Variants in NDRG2 observed in about 807,000 individuals in gnomAD.
The protein encoded by NDRG2 is protein NDRG2.
Under a neutral mutation model 58.2 loss-of-function variants are expected in NDRG2, and 34 were observed. The ratio of observed to expected loss-of-function variants is 0.58; its 90% confidence interval spans 0.44 to 0.78. NDRG2 has a LOEUF of 0.78. Ranked by LOEUF, NDRG2 falls within the 30% of genes least tolerant of loss-of-function variation. NDRG2 has a pLI of 0.00. For missense variants in NDRG2, 434 were observed against 471.2 expected, an observed-to-expected ratio of 0.92 and a Z score of 0.73; for synonymous variants, 187 against 175.9, an observed-to-expected ratio of 1.06 and a Z score of -0.50.
At chr14:21,027,482 A>G (rs77601565), upstream of NDRG2, among the ~76,000 whole-genome samples, 4,270 of 152,286 alleles carry the variant, frequency 0.028, 204 homozygotes, top group African/African-American at 0.097. Context: ...ATATAAGATC[A>G]ATCATTTGGA....
At chr14:21,053,132 C>T (rs1885536827) in intron 1 of NDRG2, among the ~76,000 whole-genome samples, 1 of 152,130 alleles carries the variant, frequency 6.6e-6, no homozygotes, top group African/African-American at 2.4e-5. Flanking sequence ...CCTGATATAA[C>T]TGGTAGGTAG....
intron 6 of NDRG2, chr14:21,021,332 A>G (rs1880163137): frequency 2.9e-6 from 1 of 350,176 alleles, no homozygotes; most frequent in Admixed American, 3.8e-5. Flanking sequence ...GCCTAGGAGA[A>G]GCTTAGCTAA....
At chr14:21,049,225 G>A (rs1885352202) in intron 1 of NDRG2, among the ~76,000 whole-genome samples, 1 of 152,120 alleles carries the variant, frequency 6.6e-6, no homozygotes, top group African/African-American at 2.4e-5. Context: ...TCCTTAGGAA[G>A]GCTTACTATC....
intron 1 of NDRG2, among the ~76,000 whole-genome samples, chr14:21,046,233 A>G (rs1414720111): frequency 6.6e-6 from 1 of 152,186 alleles, no homozygotes; most frequent in African/African-American, 2.4e-5. Flanking sequence ...TTGTAAATAC[A>G]TTGGGCTCAG....
chr14:21,025,232 C>T, upstream of NDRG2: 4 of 852,164 alleles, frequency 4.7e-6, no homozygotes, highest in Non-Finnish European at 5.6e-6. The surrounding 1 kb of genome is among the most constrained non-coding windows in gnomAD (Gnocchi z 5.1). Flanking sequence ...TGTGCTGGGG[C>T]CGGGGGGCGA....
chr14:21,018,696 A>C, intron 12 of NDRG2, 67 bp downstream of exon 12: 1 of 1,608,350 alleles, frequency 6.2e-7, no homozygotes, highest in Non-Finnish European at 8.5e-7. Context: ...TTGGCAAGAT[A>C]CTCTTCTGAC....
intron 1 of NDRG2, chr14:21,034,375 C>A: frequency 1.1e-6 from 1 of 923,210 alleles, no homozygotes. Flanking sequence ...CCAGCATTCC[C>A]AACCCAACAG....
chr14:21,032,093 C>T (rs762751285), intron 1 of NDRG2: 1 of 1,608,144 alleles, frequency 6.2e-7, no homozygotes, highest in Admixed American at 1.7e-5. Context: ...AGCTTCATCT[C>T]AGCCTGCTAG....
chr14:21,070,665 A>C lies in NDRG2; in HGVS notation c.24+163T>G, dbSNP rs1886693817. Among the ~76,000 whole-genome samples the C allele has an allele frequency of 6.8e-6, 1 of 146,432 alleles. No individual in the cohort carries two copies. Among genetic ancestry groups the C allele is most frequent in the Non-Finnish European group, 1.5e-5 (1 of 66,368 alleles). Reference sequence around the variant, plus strand: ...CCCTTGGGTCTCTCCCCTAATCCACACACCTCCCCGCTCCCCGCCCTCCTC... The same window carrying C: ...CCCTTGGGTCTCTCCCCTAATCCACCCACCTCCCCGCTCCCCGCCCTCCTC... On this transcript the variant is annotated intron_variant, in intron 1 of 14. Coordinates refer to the NDRG2 transcript ENST00000403829. The surrounding 1 kb of genome is among the most constrained non-coding windows in gnomAD (Gnocchi z 4.7).
chr14:21,022,813 G>C (rs762368111), intron 3 of NDRG2, 51 bp downstream of exon 3: 3 of 1,583,822 alleles, frequency 1.9e-6, no homozygotes, highest in Non-Finnish European at 2.6e-6. Context: ...CCTTCTACTG[G>C]GGAAGAGGAC....
upstream of NDRG2, among the ~76,000 whole-genome samples, chr14:21,027,799 T>C (rs1016104772): frequency 2.0e-5 from 3 of 152,168 alleles, no homozygotes; most frequent in African/African-American, 7.2e-5. Flanking sequence ...CTTACTATAA[T>C]TCAGAGAAGG....
chr14:21,065,287 A>G (rs1886206803), intron 1 of NDRG2, among the ~76,000 whole-genome samples: 4 of 151,980 alleles, frequency 2.6e-5, no homozygotes, highest in Admixed American at 2.6e-4. Context: ...GACTGATTCC[A>G]GGAAGACAGG....
At chr14:21,034,398 C>A in intron 1 of NDRG2, 1 of 771,520 alleles carries the variant, frequency 1.3e-6, no homozygotes, top group South Asian at 1.8e-5. Context: ...CTTTAGAGAT[C>A]ATCTCACCCA....
chr14:21,018,293 C>A, intron 13 of NDRG2, 54 bp from the exon 14 acceptor site: 1 of 1,611,982 alleles, frequency 6.2e-7, no homozygotes, highest in Non-Finnish European at 8.5e-7. Flanking sequence ...ATGAGCCATG[C>A]AGAGAGGTGG....
At chr14:21,026,594 AAAG>A (rs1594466536), upstream of NDRG2, among the ~76,000 whole-genome samples, 1 of 150,986 alleles carries the variant, frequency 6.6e-6, no homozygotes, top group African/African-American at 2.4e-5. Context: ...GGTCTACTGG[AAAG>A]AAGGAGAGGC....
intron 1 of NDRG2, among the ~76,000 whole-genome samples, chr14:21,054,854 T>C (rs1885607349): frequency 6.6e-6 from 1 of 152,172 alleles, no homozygotes; most frequent in African/African-American, 2.4e-5. Flanking sequence ...ATGAGGTTCT[T>C]TACTTTCCAC....
upstream of NDRG2, chr14:21,028,641 C>T (rs1243456): frequency 0.66 from 100,061 of 151,900 alleles, 33,094 homozygotes; most frequent in East Asian, 0.81. Context: ...TCTTGAGCCA[C>T]AGAATATTCT....
At chr14:21,032,637 C>T (rs930935231) in intron 1 of NDRG2, 2 of 342,344 alleles carry the variant, frequency 5.8e-6, no homozygotes, top group African/African-American at 2.2e-5. Flanking sequence ...ATTTTCAACA[C>T]CCAGCCCAGA....
At position 21,017,628 on chromosome 14, in the gene NDRG2, G is replaced by A. The variant is rs936422444; in HGVS notation, c.1084C>T (p.Pro362Ser). 1 of 1,613,630 alleles carries A rather than the reference G, an allele frequency of 6.2e-7. No homozygotes were observed. ...GAGACCTCCATGGTGTGCCCCGGGG[G>A]CCCCGAAGAAAGAGTTCCAGACTCG... ...SSESGTLSSG[P>S]PGHTMEVSC Residue 362 changes from proline (P) to serine (S), a missense_variant, in exon 16 of 16, where the codon CCC becomes TCC. Transcript: ENST00000556147.
Sources: gnomAD v4.1 joint callset for allele counts (sites outside exome capture counted in the v4.1 genomes callset) on GRCh38, gnomAD v4.1.1 for gene constraint, Gnocchi (gnomAD v3.1) non-coding constraint, MANE v1.5 for transcripts, NCBI Gene and HGNC (gene_info 2026-07-23, HGNC 2026-07-21) for gene names.